BCAS3: variants seen among roughly 807,000 people sequenced by gnomAD.
BCAS3 encodes the protein BCAS3 microtubule associated cell migration factor.
A neutral mutation model predicts 116.1 loss-of-function variants in BCAS3; 53 were observed. The observed-to-expected ratio is 0.46, with a 90% CI of 0.37 to 0.57. The LOEUF (loss-of-function observed/expected upper bound fraction) is 0.57, where lower values mean the gene tolerates loss of function less well. Among genes scored for constraint, BCAS3 ranks in the 20% least tolerant of loss-of-function variants. The pLI is 0.00. For missense variants in BCAS3, 917 were observed against 1,165.4 expected (o/e 0.79, Z 3.10); for synonymous variants, 391 against 408.2 (o/e 0.96, Z 0.51).
intron 19 of BCAS3, among the ~76,000 whole-genome samples, chr17:61,062,575 T>TA (rs1412113765): frequency 1.3e-5 from 2 of 152,342 alleles, no homozygotes; most frequent in East Asian, 3.9e-4. Flanking sequence ...TAGAACACAT[T>TA]AAGTAGATAT....
chr17:61,277,886 C>T (rs1020722447), intron 22 of BCAS3, among the ~76,000 whole-genome samples: 1 of 152,216 alleles, frequency 6.6e-6, no homozygotes, highest in Non-Finnish European at 1.5e-5. Flanking sequence ...CCCTCATACA[C>T]TGCTGGCAGG....
chr17:60,749,741 C>T (rs1025476985), intron 6 of BCAS3, among the ~76,000 whole-genome samples: 5 of 152,030 alleles, frequency 3.3e-5, no homozygotes, highest in African/African-American at 1.2e-4. Context: ...TCTTCTTTCC[C>T]TCCCTTTCTT....
chr17:60,795,960 G>A (rs1445766448), intron 6 of BCAS3, among the ~76,000 whole-genome samples: 1 of 152,146 alleles, frequency 6.6e-6, no homozygotes, highest in Non-Finnish European at 1.5e-5. Flanking sequence ...AAAGTGTTGG[G>A]ATTACAGGTG....
intron 5 of BCAS3, among the ~76,000 whole-genome samples, chr17:60,745,790 T>C (rs1449990900): frequency 6.6e-6 from 1 of 152,114 alleles, no homozygotes; most frequent in Non-Finnish European, 1.5e-5. Flanking sequence ...TACAGAAGGA[T>C]TTCTTGCTAA....
intron 5 of BCAS3, among the ~76,000 whole-genome samples, chr17:60,743,112 C>CA (rs528323733): frequency 0.033 from 2,263 of 67,806 alleles, 27 homozygotes; most frequent in South Asian, 0.06. Context: ...GACTCCTTCT[C>CA]AAAAAAAAAA....
At chr17:60,834,719 T>A (rs2051218229) in intron 7 of BCAS3, among the ~76,000 whole-genome samples, 1 of 151,928 alleles carries the variant, frequency 6.6e-6, no homozygotes, top group Non-Finnish European at 1.5e-5. Context: ...TACCCCATGT[T>A]TTTTTGTTAG....
chr17:61,258,557 T>C lies in BCAS3; in HGVS notation c.2426-109770T>C, dbSNP rs1193233677. On this transcript the variant is annotated intron_variant, in intron 22 of 23. Coordinates refer to ENST00000407086, the MANE Select transcript of BCAS3 (RefSeq NM_017679.5). The surrounding 1 kb of genome is among the most constrained non-coding windows in gnomAD (Gnocchi z 4.7). ...TATCGTTGTGTGGATTAAATGAAAT[T>C]GCATGTAAAGTGCCTGGCACAAAAC... 6.6e-6 allele frequency among the ~76,000 whole-genome samples: 1 copy of C among 152,266 alleles called. No individual in the cohort carries two copies. The highest frequency in any genetic ancestry group is 1.5e-5 in the Non-Finnish European group (1 of 68,046).
chr17:61,022,870 G>A (rs1185235496), intron 16 of BCAS3, among the ~76,000 whole-genome samples: 2 of 151,072 alleles, frequency 1.3e-5, no homozygotes, highest in Non-Finnish European at 3.0e-5. Context: ...GAACTCCTAC[G>A]CTCAGTCTTG....
At chr17:60,740,073 G>GT (rs1272041244) in intron 5 of BCAS3, among the ~76,000 whole-genome samples, 2 of 151,944 alleles carry the variant, frequency 1.3e-5, no homozygotes, top group Non-Finnish European at 2.9e-5. Context: ...TTGGTGTAGG[G>GT]TTTTTTGGGG....
chr17:61,267,075 T>G, intron 22 of BCAS3, among the ~76,000 whole-genome samples: 1 of 152,198 alleles, frequency 6.6e-6, no homozygotes, highest in Non-Finnish European at 1.5e-5. Flanking sequence ...TGTTTGTTTT[T>G]GAGACGGAGT....
Position 61,388,678 on chromosome 17 carries a change from G to T in BCAS3, c.2594-3299G>T. On this transcript the variant is annotated intron_variant, in intron 23 of 23. Coordinates refer to ENST00000407086, the MANE Select transcript of BCAS3 (RefSeq NM_017679.5). This position sits in a 1 kb window ranked among gnomAD's most constrained non-coding sequence, Gnocchi z 6.5. ...CCCAGCGTCCGTGAGCAACCCAACA[G>T]TAACAAAGCATGCGTTCGGGATGGA... is the stretch of plus-strand genomic sequence containing the variant. The T allele has an allele frequency of 6.5e-7, 1 of 1,550,328 alleles. No individual in the cohort carries two copies. The highest frequency in any genetic ancestry group is 8.7e-7 in the Non-Finnish European group (1 of 1,155,684).
chr17:60,695,697 C>T (rs1408044068), intron 4 of BCAS3, among the ~76,000 whole-genome samples: 2 of 152,150 alleles, frequency 1.3e-5, no homozygotes, highest in African/African-American at 4.8e-5. Context: ...CTGCTGGGCT[C>T]ATATGATCCT....
chr17:60,877,314 G>A (rs1185469069), intron 9 of BCAS3, among the ~76,000 whole-genome samples: 6 of 152,026 alleles, frequency 3.9e-5, no homozygotes, highest in South Asian at 2.1e-4. Context: ...CTTCATAGGC[G>A]TCACCTCTTG....
chr17:61,093,110 G>A (rs1261354853), intron 22 of BCAS3, among the ~76,000 whole-genome samples: 1 of 151,840 alleles, frequency 6.6e-6, no homozygotes, highest in Non-Finnish European at 1.5e-5. Context: ...GTTTCATCAT[G>A]TTGGCCAGGC....
chr17:61,024,440 A>T (rs993772548), intron 16 of BCAS3, among the ~76,000 whole-genome samples: 2 of 152,110 alleles, frequency 1.3e-5, no homozygotes, highest in African/African-American at 4.8e-5. Context: ...TTGAATTAGG[A>T]TAACTTTAAA....
In BCAS3 at chr17:60,702,392, T is replaced by C. The variant is rs78787464; in HGVS notation, c.215-6827T>C. Among the ~76,000 whole-genome samples, 1,205 of 152,272 alleles carry C rather than the reference T, an allele frequency of 7.9e-3. 14 individuals carry two copies. The highest frequency in any genetic ancestry group is 0.027 in the African/African-American group (1,114 of 41,556). ...CATGTTAATTGTAAAACTATAAACC[T>C]TGAATACCACGATGGGACCCATATG... On this transcript the variant is annotated intron_variant, in intron 4 of 23. Transcript: ENST00000407086.
rs534010697 is a variant in BCAS3, at chr17:61,343,101, T to A, written c.2426-25226T>A. Reference sequence around the variant, plus strand: ...AGAGAGTAACTTCTTGGCCACCTTATCCTATTTTCCCAGGCTCCTGGGCCA... The same window carrying A: ...AGAGAGTAACTTCTTGGCCACCTTAACCTATTTTCCCAGGCTCCTGGGCCA... On this transcript the variant is annotated intron_variant, in intron 22 of 23. Coordinates refer to ENST00000407086, the MANE Select transcript of BCAS3 (RefSeq NM_017679.5). This position sits in a 1 kb window ranked among gnomAD's most constrained non-coding sequence, Gnocchi z 5.5. 6.6e-6 allele frequency among the ~76,000 whole-genome samples: 1 copy of A among 152,286 alleles called. No homozygotes were observed. The highest frequency in any genetic ancestry group is 2.4e-5 in the African/African-American group (1 of 41,570).
At chr17:61,150,922 CTT>C (rs1278881149) in intron 22 of BCAS3, among the ~76,000 whole-genome samples, 1 of 152,202 alleles carries the variant, frequency 6.6e-6, no homozygotes, top group Non-Finnish European at 1.5e-5. Flanking sequence ...GTTTTCCACA[CTT>C]TTGCAAACCT....
Position 61,265,985 on chromosome 17 carries a change from A to C in BCAS3, c.2426-102342A>C, listed in dbSNP as rs1008529832. Among the ~76,000 whole-genome samples, 3 of 152,174 alleles carry C rather than the reference A, an allele frequency of 2.0e-5. No homozygotes were observed. The highest frequency in any genetic ancestry group is 4.4e-5 in the Non-Finnish European group (3 of 68,038). On this transcript the variant is annotated intron_variant, in intron 22 of 23. Coordinates refer to ENST00000407086, the MANE Select transcript of BCAS3 (RefSeq NM_017679.5). The surrounding 1 kb of genome is among the most constrained non-coding windows in gnomAD (Gnocchi z 4.3). ...TAAAATATTTCCTTTCTTCATTTCT[A>C]ATGAGACTTCCTGTTTGGTTATTGT...
Sources: gnomAD v4.1 joint callset for allele counts (sites outside exome capture counted in the v4.1 genomes callset) on GRCh38, gnomAD v4.1.1 for gene constraint, Gnocchi (gnomAD v3.1) non-coding constraint, MANE v1.5 for transcripts, NCBI Gene and HGNC (gene_info 2026-07-23, HGNC 2026-07-21) for gene names.